The following QTMAN variants were observed in gnomAD, a reference collection of about 807,000 sequenced individuals.
QTMAN encodes tRNA-queuosine alpha-mannosyltransferase.
the QTMAN span, among the ~76,000 whole-genome samples, chr2:144,233,864 A>AT: frequency 6.6e-6 from 1 of 152,130 alleles, no homozygotes; most frequent in Non-Finnish European, 1.5e-5. Flanking sequence ...AGAGATTAAC[A>AT]TTTTTTAAAA....
the QTMAN span, among the ~76,000 whole-genome samples, chr2:144,105,719 A>G: frequency 1.3e-5 from 2 of 152,324 alleles, no homozygotes; most frequent in African/African-American, 2.4e-5. Flanking sequence ...ATCTAGCAAG[A>G]CAGGGCAACA....
At chr2:144,324,671 C>T in the QTMAN span, among the ~76,000 whole-genome samples, 5 of 152,142 alleles carry the variant, frequency 3.3e-5, no homozygotes, top group Admixed American at 3.3e-4. Context: ...ATCATACCCA[C>T]CTACCCAAGG....
the QTMAN span, among the ~76,000 whole-genome samples, chr2:144,060,687 T>A: frequency 6.6e-6 from 1 of 152,242 alleles, no homozygotes; most frequent in Non-Finnish European, 1.5e-5. Context: ...TGCTAGGCTA[T>A]AATTTTTACA....
the QTMAN span, among the ~76,000 whole-genome samples, chr2:144,116,508 C>T: frequency 6.6e-6 from 1 of 152,138 alleles, no homozygotes; most frequent in Non-Finnish European, 1.5e-5. Context: ...GGCTTATTCA[C>T]AGGCAATAGA....
chr2:144,219,278 G>A, the QTMAN span, among the ~76,000 whole-genome samples: 3 of 152,102 alleles, frequency 2.0e-5, no homozygotes, highest in South Asian at 4.2e-4. Context: ...TTGCAGGCAC[G>A]CACCACCATG....
At chr2:144,083,526 G>A in the QTMAN span, among the ~76,000 whole-genome samples, 2 of 152,300 alleles carry the variant, frequency 1.3e-5, no homozygotes, top group East Asian at 3.9e-4. Context: ...CAATTTTGGA[G>A]TAGTTTGTTA....
At chr2:144,033,839 T>A in the QTMAN span, among the ~76,000 whole-genome samples, 2 of 152,182 alleles carry the variant, frequency 1.3e-5, no homozygotes, top group South Asian at 2.1e-4. Context: ...ATAGCTCCTA[T>A]CACTCAGGAA....
At chr2:144,182,853 T>A in the QTMAN span, among the ~76,000 whole-genome samples, 313 of 47,068 alleles carry the variant, frequency 6.6e-3, 1 homozygote, top group Middle Eastern at 0.011. Flanking sequence ...TATATATATT[T>A]TATATATAAT....
the QTMAN span, chr2:144,007,324 C>T: frequency 6.2e-7 from 1 of 1,613,244 alleles, no homozygotes; most frequent in Non-Finnish European, 8.5e-7. Flanking sequence ...TTTTTCAAGT[C>T]TGATTCCTGT....
chr2:144,008,915 G>A, the QTMAN span, among the ~76,000 whole-genome samples: 2 of 151,970 alleles, frequency 1.3e-5, no homozygotes, highest in Admixed American at 6.6e-5. Flanking sequence ...CAGACTGCAG[G>A]AGGCTAGGGT....
At chr2:143,966,667 A>G in the QTMAN span, among the ~76,000 whole-genome samples, 1 of 152,210 alleles carries the variant, frequency 6.6e-6, no homozygotes, top group Non-Finnish European at 1.5e-5. Flanking sequence ...CTGTAAAATG[A>G]AGGGATGATG....
the QTMAN span, among the ~76,000 whole-genome samples, chr2:144,307,690 A>G: frequency 6.6e-6 from 1 of 152,256 alleles, no homozygotes; most frequent in East Asian, 1.9e-4. Context: ...TATAGAAACA[A>G]TGACAAACTG....
the QTMAN span, among the ~76,000 whole-genome samples, chr2:144,037,544 G>T: frequency 3.9e-5 from 6 of 152,178 alleles, no homozygotes; most frequent in African/African-American, 1.4e-4. Flanking sequence ...ATGCTGAAGG[G>T]CATGGGGGCA....
the QTMAN span, chr2:143,947,148 G>A: frequency 2.1e-5 from 33 of 1,592,260 alleles, no homozygotes; most frequent in Non-Finnish European, 2.8e-5. Flanking sequence ...GCAACGAGGA[G>A]GAGGGAGAGA....
chr2:144,253,837 C>T, the QTMAN span, among the ~76,000 whole-genome samples: 1 of 152,114 alleles, frequency 6.6e-6, no homozygotes, highest in Non-Finnish European at 1.5e-5. Context: ...GAGCCAAATG[C>T]TAATAACCAA....
At chr2:144,300,600 C>T in the QTMAN span, among the ~76,000 whole-genome samples, 4 of 152,094 alleles carry the variant, frequency 2.6e-5, no homozygotes, top group Non-Finnish European at 4.4e-5. Context: ...CATAACATGT[C>T]TAAACTAAAA....
chr2:144,201,762 G>A, the QTMAN span, among the ~76,000 whole-genome samples: 8 of 152,144 alleles, frequency 5.3e-5, no homozygotes, highest in African/African-American at 1.7e-4. Flanking sequence ...AAGATAACTA[G>A]TCTGGAGGAA....
chr2:144,109,442 C>T, the QTMAN span, among the ~76,000 whole-genome samples: 5 of 152,068 alleles, frequency 3.3e-5, no homozygotes, highest in African/African-American at 4.8e-5. Context: ...CCATAAAAAC[C>T]CTAGAAGAAA....
chr2:144,251,187 TA>T, the QTMAN span, among the ~76,000 whole-genome samples: 3 of 152,098 alleles, frequency 2.0e-5, no homozygotes, highest in East Asian at 5.8e-4. Flanking sequence ...ATGTATTTTT[TA>T]AAAAACATCA....
Sources: allele counts gnomAD v4.1 joint callset (sites outside exome capture counted in the v4.1 genomes callset), GRCh38; gene constraint gnomAD v4.1.1; transcripts MANE v1.5; gene names NCBI Gene and HGNC (gene_info 2026-07-23, HGNC 2026-07-21).